RSAD1: variants seen among roughly 807,000 people sequenced by gnomAD.
RSAD1 encodes radical S-adenosyl methionine domain-containing protein 1, mitochondrial.
Under a neutral mutation model 46.2 loss-of-function variants are expected in RSAD1, and 34 were observed. The observed-to-expected ratio is 0.74, with a 90% CI of 0.56 to 0.98. The LOEUF (loss-of-function observed/expected upper bound fraction) is 0.98. Among genes scored for constraint, RSAD1 ranks in the 50% least tolerant of loss-of-function variants. The pLI is 0.00. For missense variants in RSAD1, 635 were observed against 592.3 expected, an observed-to-expected ratio of 1.07 and a Z score of -0.75; for synonymous variants, 260 against 253.5, an observed-to-expected ratio of 1.03 and a Z score of -0.24.
chr17:50,482,707 G>C lies in RSAD1; in HGVS notation c.904+1G>C. On this transcript the variant is annotated splice_donor_variant, in intron 5 of 8. Transcript: ENST00000258955. LOFTEE classifies it high-confidence loss of function. The stretch of plus-strand genomic sequence containing the variant: ...GGTCAGTACCTTGGCGTTGGGCCTG[G>C]TGAGTCCCGTGAACTACAGAAAGGG... 6.2e-7 allele frequency: 1 copy of C among 1,613,726 alleles called. No homozygotes were observed. Among genetic ancestry groups the C allele is most frequent in the Non-Finnish European group, 8.5e-7 (1 of 1,179,784 alleles).
At chr17:50,483,988 T>A in intron 7 of RSAD1, 1 of 532,560 alleles carries the variant, frequency 1.9e-6, no homozygotes, top group Admixed American at 3.7e-5. Context: ...AGCCCTCATT[T>A]TACTGCAACC....
In RSAD1 at chr17:50,483,314, G is replaced by T. The variant is rs761770307; in HGVS notation, c.905-26G>T. ...ACACATAGTATTAACAGCCATTAATGTGGGGATGGTTGTTGATGTTGTCAG... is the reference window on the plus strand; with the variant it reads ...ACACATAGTATTAACAGCCATTAATTTGGGGATGGTTGTTGATGTTGTCAG... On this transcript the variant is annotated intron_variant, in intron 5 of 8. Coordinates refer to ENST00000258955, the MANE Select transcript of RSAD1 (RefSeq NM_018346.3). 11 of 1,609,830 alleles carry T rather than the reference G, an allele frequency of 6.8e-6. No homozygotes were observed. In the African/African-American group the frequency reaches 1.5e-4, roughly 22 times the overall value.
Position 50,479,938 on chromosome 17 carries a change from G to A in RSAD1, c.328G>A (p.Ala110Thr). The A allele has an allele frequency of 6.2e-7, 1 of 1,614,172 alleles. No individual in the cohort carries two copies. The highest frequency in any genetic ancestry group is 8.5e-7 in the Non-Finnish European group (1 of 1,180,038). ...CAGTCTAGCCAGTCCCCACACGGTG[G>A]CTGCTGTCCTGGAGGCTGTGGCACA... Reference protein sequence around the residue: ...TPSLASPHTVAAVLEAVAQAA... With the variant: ...TPSLASPHTVTAVLEAVAQAA... Residue 110 changes from alanine to threonine, a missense_variant, in exon 3 of 9, where the codon GCT becomes ACT. Ala to Thr is a moderately conservative substitution (Grantham distance 58). Transcript: ENST00000258955.
intron 7 of RSAD1, chr17:50,484,217 A>G: frequency 1.8e-6 from 1 of 544,940 alleles, no homozygotes; most frequent in East Asian, 3.1e-5. Flanking sequence ...GAGGAGGCAT[A>G]GAGGAAGGCC....
In RSAD1 at chr17:50,479,646, G is replaced by T. The variant is rs202238393; in HGVS notation, c.153G>T (p.Lys51Asn). 3 of 1,613,718 alleles carry T rather than the reference G, an allele frequency of 1.9e-6. No individual in the cohort carries two copies. The highest frequency in any genetic ancestry group is 2.5e-6 in the Non-Finnish European group (3 of 1,180,060). Reference sequence around the variant, plus strand: ...GCCCCCAGTGGCCTTACTGCGAGAAGCGCTGCAGTTACTGCAACTTCAACA... The same window carrying T: ...GCCCCCAGTGGCCTTACTGCGAGAATCGCTGCAGTTACTGCAACTTCAACA... ...ALYVHWPYCE[K>N]RCSYCNFNKY... Residue 51 changes from lysine (K) to asparagine (N), a missense_variant, in exon 2 of 9, where the codon AAG (lysine) becomes AAT (asparagine). Coordinates refer to ENST00000258955, the MANE Select transcript of RSAD1 (RefSeq NM_018346.3).
At chr17:50,479,135 C>T (rs922146460) in intron 1 of RSAD1, 116 bp downstream of exon 1, 21 of 1,140,846 alleles carry the variant, frequency 1.8e-5, no homozygotes, top group Non-Finnish European at 2.3e-5. Context: ...GCCGTGTTTC[C>T]GTGCCCCCGT....
rs1555615154 is a variant in RSAD1, at chr17:50,482,189, C to T, written c.573C>T (p.Arg191=). The T allele has an allele frequency of 7.0e-6, 11 of 1,576,592 alleles. No individual in the cohort carries two copies. The highest frequency in any genetic ancestry group is 7.0e-5 in the South Asian group (6 of 86,312). The change falls in exon 4 of 9, where the codon CGC becomes CGT. Residue 191 remains arginine, a synonymous_variant. Transcript: ENST00000258955. ...LAEARRLFPG[R]VSVDLMLGLP... ...AGGCCCGGCGCCTCTTTCCCGGGCGCGTGTCTGTAGACTTGATGCTGGGGC... is the reference window on the plus strand; with the variant it reads ...AGGCCCGGCGCCTCTTTCCCGGGCGTGTGTCTGTAGACTTGATGCTGGGGC...
chr17:50,483,308 A>G (rs776751792), intron 5 of RSAD1, 32 bp from the exon 6 acceptor site: 12 of 1,608,682 alleles, frequency 7.5e-6, no homozygotes, highest in Non-Finnish European at 1.0e-5. Context: ...ATTAACAGCC[A>G]TTAATGTGGG....
Position 50,479,801 on chromosome 17 carries a change from T to C in RSAD1, c.269+39T>C, listed in dbSNP as rs746165689. 7.5e-6 allele frequency: 12 copies of C among 1,590,164 alleles called. No individual in the cohort carries two copies. The East Asian group carries it at 1.6e-4, about 21-fold the overall frequency. On this transcript the variant is annotated intron_variant, in intron 2 of 8. Transcript: ENST00000258955. ...GCTGTAGGCAGCGTTTTGGGAAATATTTGGAGGAGTGGTGGGGGATAGGTG... is the reference window on the plus strand; with the variant it reads ...GCTGTAGGCAGCGTTTTGGGAAATACTTGGAGGAGTGGTGGGGGATAGGTG...
intron 3 of RSAD1, 51 bp from the exon 4 acceptor site, chr17:50,482,040 C>T: frequency 6.1e-6 from 9 of 1,484,568 alleles, no homozygotes; most frequent in Non-Finnish European, 6.3e-6. Context: ...GAGGAGGGTT[C>T]TTGTCTCTCT....
Position 50,479,934 on chromosome 17 carries a change from G to A in RSAD1, c.324G>A (p.Thr108=). The change falls in exon 3 of 9, where the codon ACG becomes ACA. Residue 108 remains threonine, a synonymous_variant. Transcript: ENST00000258955. ...CCCCCAGTCTAGCCAGTCCCCACAC[G>A]GTGGCTGCTGTCCTGGAGGCTGTGG... ...GGTPSLASPH[T]VAAVLEAVAQ... is the part of the protein sequence containing the mutation. 1 of 1,614,192 alleles carries A rather than the reference G, an allele frequency of 6.2e-7. No homozygotes were observed. The highest frequency in any genetic ancestry group is 8.5e-7 in the Non-Finnish European group (1 of 1,180,032).
In RSAD1 at chr17:50,482,271, T is replaced by C; in HGVS notation, c.655T>C (p.Cys219Arg). The C allele has an allele frequency of 6.3e-7, 1 of 1,592,254 alleles. No homozygotes were observed. Among genetic ancestry groups the C allele is most frequent in the Non-Finnish European group, 8.6e-7 (1 of 1,166,770 alleles). The change falls in exon 4 of 9, where the codon TGT (cysteine) becomes CGT (arginine). Residue 219 changes from cysteine (C) to arginine (R), a missense_variant. Physicochemically the swap from Cys to Arg is radical, Grantham distance 180 (BLOSUM62 -3). Coordinates refer to ENST00000258955, the MANE Select transcript of RSAD1 (RefSeq NM_018346.3). Reference protein sequence around the residue: ...LGQLQELLHHCDDHLSLYQLS... With the variant: ...LGQLQELLHHRDDHLSLYQLS... ...GCAGCTGCAGGAACTGCTGCACCAC[T>C]GTGATGACCACCTCTCCCTCTACCA...
At chr17:50,479,489 G>T in intron 1 of RSAD1, 140 bp from the exon 2 acceptor site, 9 of 1,023,918 alleles carry the variant, frequency 8.8e-6, no homozygotes, top group Non-Finnish European at 1.3e-5. Context: ...CCTGCCTTGG[G>T]GAGTTGTGTG....
chr17:50,483,522 A>G (rs1551717), intron 6 of RSAD1, 35 bp downstream of exon 6: 357,014 of 1,605,778 alleles, frequency 0.22, 43,384 homozygotes, highest in African/African-American at 0.44. Context: ...CTCCTCCAGG[A>G]TCCCCACACC....
rs146980410 is a variant in RSAD1, at chr17:50,483,840, C to A, written c.1107+80C>A. 1.4e-5 allele frequency: 19 copies of A among 1,333,384 alleles called. No individual in the cohort carries two copies. The East Asian group carries it at 4.5e-4, about 31-fold the overall frequency. 82.6% of individuals were successfully genotyped at this position (1,333,384 alleles called of 1,614,324 possible). On this transcript the variant is annotated intron_variant, in intron 7 of 8. Transcript: ENST00000258955. The stretch of plus-strand genomic sequence containing the variant: ...TGCCCCCTCCCTGCCACCCCCCCCA[C>A]ACACATATACCTCCAATTTCTGTGA...
chr17:50,483,672 C>G, intron 6 of RSAD1, 34 bp from the exon 7 acceptor site: 1 of 1,613,196 alleles, frequency 6.2e-7, no homozygotes, highest in Non-Finnish European at 8.5e-7. Flanking sequence ...GCACAGGCCT[C>G]CTCTCTAAGA....
At chr17:50,480,183 C>CCAGAAGGTGCTCAA in intron 3 of RSAD1, 99 bp downstream of exon 3, 1 of 1,268,226 alleles carries the variant, frequency 7.9e-7, no homozygotes, top group Non-Finnish European at 1.1e-6. Flanking sequence ...GATTGAGCAC[C>CCAGAAGGTGCTCAA]TTCTGGGTGC....
Position 50,479,109 on chromosome 17 carries a change from C to T in RSAD1, c.135+90C>T, listed in dbSNP as rs530961047. On this transcript the variant is annotated intron_variant, in intron 1 of 8. Coordinates refer to ENST00000258955, the MANE Select transcript of RSAD1 (RefSeq NM_018346.3). ...CCAAAACCCAGGTGGCGGTTTGTCA[C>T]TCTATGAACCCGCCTGCCGTGTTTC... 4.9e-6 allele frequency: 6 copies of T among 1,231,726 alleles called. No individual in the cohort carries two copies. The East Asian group carries it at 1.6e-4, about 33-fold the overall frequency. 76.3% of individuals were successfully genotyped at this position (1,231,726 alleles called of 1,614,324 possible).
chr17:50,484,774 T>C lies in RSAD1; in HGVS notation c.1242T>C (p.Ala414=). ...TTCGGTGTTCCTGGGAGGGTCTGGC[T>C]GTGCTGGACTCTCTCTTGCTGACCC... is the stretch of plus-strand genomic sequence containing the variant. The part of the protein sequence containing the change: ...RGLRCSWEGL[A]VLDSLLLTLL... The change falls in exon 9 of 9, where the codon GCT becomes GCC. Residue 414 remains alanine (A), a synonymous_variant. Coordinates refer to ENST00000258955, the MANE Select transcript of RSAD1 (RefSeq NM_018346.3). 6.2e-7 allele frequency: 1 copy of C among 1,614,050 alleles called. No individual in the cohort carries two copies. The highest frequency in any genetic ancestry group is 2.2e-5 in the East Asian group (1 of 44,882).
Sources: gnomAD v4.1 joint callset for allele counts on GRCh38, gnomAD v4.1.1 for gene constraint, MANE v1.5 for transcripts, NCBI Gene and HGNC (gene_info 2026-07-23, HGNC 2026-07-21) for gene names.